Variants in DGLUCY observed in about 807,000 individuals in gnomAD.
DGLUCY encodes D-glutamate cyclase.
Under a neutral mutation model 58.5 loss-of-function variants are expected in DGLUCY, and 58 were observed. The ratio of observed to expected loss-of-function variants is 0.99; its 90% CI spans 0.80 to 1.23. The LOEUF (loss-of-function observed/expected upper bound fraction) is 1.23, where lower values mean the gene tolerates loss of function less well. DGLUCY is among the 50% of genes most tolerant of loss of function. The probability of loss-of-function intolerance (pLI) is 0.00; values close to 1 mark genes in which losing one functional copy is unlikely to be tolerated. For missense variants in DGLUCY, 779 were observed against 784.7 expected (o/e 0.99, Z 0.09); for synonymous variants, 325 against 314.1 (o/e 1.03, Z -0.37).
intron 12 of DGLUCY, among the ~76,000 whole-genome samples, chr14:91,214,965 A>G (rs141043340): frequency 0.12 from 18,083 of 152,168 alleles, 1,346 homozygotes; most frequent in African/African-American, 0.2. Flanking sequence ...CCTGGCCAAT[A>G]TGGTGAAACC....
Position 91,081,138 on chromosome 14 carries a change from G to T in DGLUCY, c.-82+20434G>T, listed in dbSNP as rs530802012. Among the ~76,000 whole-genome samples the T allele has an allele frequency of 8.5e-4, 130 of 152,214 alleles. 1 individual carries two copies. The highest frequency in any genetic ancestry group is 3.1e-3 in the African/African-American group (129 of 41,546). ...GAATGGTGTGAACCCGGGAGGCGGA[G>T]CTTGCAGTGAGCCAAGATCGCGCCA... is the stretch of plus-strand genomic sequence containing the variant. On this transcript the variant is annotated intron_variant, in intron 1 of 4. Transcript: ENST00000521334.
At chr14:91,133,636 G>A (rs911654626) in intron 1 of DGLUCY, among the ~76,000 whole-genome samples, 3 of 151,860 alleles carry the variant, frequency 2.0e-5, no homozygotes, top group Non-Finnish European at 2.9e-5. Context: ...CAATTCTCCC[G>A]TCTCAATCTC....
chr14:91,217,634 G>GCA, intron 13 of DGLUCY, among the ~76,000 whole-genome samples: 1 of 150,684 alleles, frequency 6.6e-6, no homozygotes, highest in South Asian at 2.1e-4. Context: ...ACAGGTGCCT[G>GCA]CCACCATGCC....
At position 91,088,122 on chromosome 14, in the gene DGLUCY, G is replaced by A. The variant is rs74083942; in HGVS notation, c.-82+27418G>A. Reference sequence around the variant, plus strand: ...GGTGAGCTGGGAGCCAGGGAGAAGAGGACCCCATTGGAAATTGCAAGTAAA... The same window carrying A: ...GGTGAGCTGGGAGCCAGGGAGAAGAAGACCCCATTGGAAATTGCAAGTAAA... On this transcript the variant is annotated intron_variant, in intron 1 of 4. Transcript: ENST00000521334. Among the ~76,000 whole-genome samples the A allele has an allele frequency of 8.5e-3, 1,297 of 152,190 alleles. 13 individuals are homozygous for A. The highest frequency in any genetic ancestry group is 0.029 in the African/African-American group (1,215 of 41,508).
At chr14:91,068,073 G>A (rs986900562) in intron 1 of DGLUCY, among the ~76,000 whole-genome samples, 2 of 59,056 alleles carry the variant, frequency 3.4e-5, no homozygotes, top group African/African-American at 7.0e-5. Flanking sequence ...ACACACACAC[G>A]CGCACGCACA....
intron 11 of DGLUCY, among the ~76,000 whole-genome samples, chr14:91,200,849 C>A (rs569469911): frequency 4.9e-4 from 75 of 152,126 alleles, no homozygotes; most frequent in African/African-American, 1.8e-3. Context: ...AAGGAGTCAG[C>A]GAAGGGTCGT....
At chr14:91,202,899 C>G (rs1382662210) in intron 11 of DGLUCY, among the ~76,000 whole-genome samples, 1 of 152,214 alleles carries the variant, frequency 6.6e-6, no homozygotes, top group African/African-American at 2.4e-5. Context: ...CGCCCCAGAC[C>G]CTCCTGCCCA....
rs563059021 is a variant in DGLUCY, at chr14:91,085,573, T to G, written c.-82+24869T>G. The stretch of plus-strand genomic sequence containing the variant: ...CTTTGTTTTTTTTTTGTTTTTTTTT[T>G]TTTTTAGTATGTGTGTGACGGAGTC... On this transcript the variant is annotated intron_variant, in intron 1 of 4. Transcript: ENST00000521334. Among the ~76,000 whole-genome samples, 26 of 151,486 alleles carry G rather than the reference T, an allele frequency of 1.7e-4. No individual in the cohort carries two copies. In the South Asian group the frequency reaches 4.6e-3, roughly 27 times the overall value.
chr14:91,098,141 T>C (rs988331906), intron 1 of DGLUCY, among the ~76,000 whole-genome samples: 2 of 152,138 alleles, frequency 1.3e-5, no homozygotes, highest in Non-Finnish European at 2.9e-5. Context: ...GAGATGATAG[T>C]AAAACATCAG....
chr14:91,135,461 C>G (rs2046270280), intron 1 of DGLUCY, among the ~76,000 whole-genome samples: 1 of 152,004 alleles, frequency 6.6e-6, no homozygotes, highest in African/African-American at 2.4e-5. Flanking sequence ...GCCAGCCTGG[C>G]CAATATGGTG....
At chr14:91,163,733 T>C (rs1369815344) in intron 3 of DGLUCY, among the ~76,000 whole-genome samples, 1 of 152,160 alleles carries the variant, frequency 6.6e-6, no homozygotes, top group Non-Finnish European at 1.5e-5. Flanking sequence ...GCAGCAGCTG[T>C]GTGACCCTGG....
At chr14:91,214,854 TTAAAAA>T (rs1417614630) in intron 12 of DGLUCY, among the ~76,000 whole-genome samples, 9 of 151,804 alleles carry the variant, frequency 5.9e-5, no homozygotes, top group South Asian at 2.1e-4. Context: ...CTAAAAAAAA[TTAAAAA>T]TAAAAATAGG....
intron 1 of DGLUCY, among the ~76,000 whole-genome samples, chr14:91,133,021 C>T (rs768877386): frequency 2.6e-5 from 4 of 151,894 alleles, no homozygotes; most frequent in East Asian, 1.9e-4. Flanking sequence ...TGGCTGGGCG[C>T]GGTAGCTCAC....
chr14:91,129,220 A>T (rs1191540549), intron 1 of DGLUCY, among the ~76,000 whole-genome samples: 1 of 152,202 alleles, frequency 6.6e-6, no homozygotes, highest in Non-Finnish European at 1.5e-5. Context: ...ATAGTAAACA[A>T]CTGTGTCCCT....
intron 1 of DGLUCY, chr14:91,091,080 T>C (rs1319561890): frequency 1.3e-5 from 2 of 152,256 alleles, no homozygotes; most frequent in African/African-American, 4.8e-5. Context: ...CCCTGTCCAG[T>C]GTTACAACTC....
chr14:91,079,379 A>G (rs551757743), intron 1 of DGLUCY, among the ~76,000 whole-genome samples: 1 of 148,144 alleles, frequency 6.8e-6, no homozygotes, highest in East Asian at 2.0e-4. Context: ...TTTTTAAGGC[A>G]GAGTCTTGCT....
At position 91,060,474 on chromosome 14, in the gene DGLUCY, G is replaced by T. The variant is rs1263787824; in HGVS notation, c.-312G>T. The T allele has an allele frequency of 1.3e-5, 17 of 1,354,278 alleles. No homozygotes were observed. The East Asian group carries it at 5.0e-4, about 40-fold the overall frequency. The allele number at this position is 1,354,278 out of a possible 1,614,324, so 83.9% of individuals were successfully genotyped here. A position where few individuals can be genotyped will look rare whatever the true frequency, so the allele number is the denominator to read the frequency against. ...CCGATCCCGCGGGTCGCTACGAGGG[G>T]AACCCAGGAGACAGCGGACGCCCGT... is the stretch of plus-strand genomic sequence containing the variant. On this transcript the variant is annotated 5_prime_UTR_variant, in exon 1 of 5. Coordinates refer to the DGLUCY transcript ENST00000521334.
chr14:91,065,479 C>T (rs1347537818), intron 1 of DGLUCY, among the ~76,000 whole-genome samples: 3 of 152,060 alleles, frequency 2.0e-5, no homozygotes, highest in Admixed American at 6.6e-5. Flanking sequence ...GGCTGAACAT[C>T]GGGATCACCT....
At chr14:91,217,786 C>G (rs1020786827) in intron 13 of DGLUCY, among the ~76,000 whole-genome samples, 5 of 152,158 alleles carry the variant, frequency 3.3e-5, no homozygotes, top group African/African-American at 1.2e-4. Context: ...CCACGCCCGG[C>G]CTCTTTTCTG....
Sources: allele counts gnomAD v4.1 joint callset (sites outside exome capture counted in the v4.1 genomes callset), GRCh38; gene constraint gnomAD v4.1.1; transcripts MANE v1.5; gene names NCBI Gene and HGNC (gene_info 2026-07-23, HGNC 2026-07-21).